The following TBC1D5 variants were observed in gnomAD, a reference collection of about 807,000 sequenced individuals.
TBC1D5 encodes TBC1 domain family member 5.
A neutral mutation model predicts 100.3 loss-of-function variants in TBC1D5; 75 were observed. The ratio of observed to expected loss-of-function variants is 0.75; its 90% CI spans 0.62 to 0.91. The LOEUF (loss-of-function observed/expected upper bound fraction) is 0.91, where lower values mean the gene tolerates loss of function less well. TBC1D5 is among the 40% of genes least tolerant of loss of function. The pLI is 0.00. For synonymous variants in TBC1D5, 323 were observed against 325.6 expected (o/e 0.99, Z 0.09); for missense variants, 910 against 942.4 (o/e 0.97, Z 0.45).
intron 2 of TBC1D5, among the ~76,000 whole-genome samples, chr3:17,583,395 A>T (rs1031441605): frequency 6.6e-6 from 1 of 152,168 alleles, no homozygotes; most frequent in Admixed American, 6.6e-5. Context: ...AATCAAAAAA[A>T]AAAATGGAAA....
chr3:17,706,200 A>T (rs2074138330), intron 1 of TBC1D5: 3 of 1,552,602 alleles, frequency 1.9e-6, no homozygotes, highest in South Asian at 1.2e-5. Context: ...CTTCTCCGGC[A>T]TCGCGGCGAG....
At chr3:17,302,101 G>A (rs999690654) in intron 14 of TBC1D5, among the ~76,000 whole-genome samples, 2 of 152,164 alleles carry the variant, frequency 1.3e-5, no homozygotes, top group Non-Finnish European at 2.9e-5. Context: ...GAAACTTGTA[G>A]GGGAGAATCC....
chr3:17,383,051 CTATGTA>C (rs1363660314), intron 9 of TBC1D5, among the ~76,000 whole-genome samples: 1 of 151,796 alleles, frequency 6.6e-6, no homozygotes, highest in Admixed American at 6.6e-5. Flanking sequence ...CTTGGGTATT[CTATGTA>C]TATACAATAA....
At chr3:17,499,384 T>A (rs936381157) in intron 3 of TBC1D5, among the ~76,000 whole-genome samples, 3 of 150,460 alleles carry the variant, frequency 2.0e-5, no homozygotes, top group Admixed American at 6.6e-5. Flanking sequence ...TCCTAAGCTA[T>A]GCGGGCTGAA....
chr3:17,596,087 T>C lies in TBC1D5; in HGVS notation c.-36+27762A>G, dbSNP rs533047131. ...CATGGTATAGAGAATGGCAGGTCAT[T>C]AGGAACAGCTTACTTCCATCCTTTC... is the stretch of plus-strand genomic sequence containing the variant. On this transcript the variant is annotated intron_variant, in intron 2 of 21. Coordinates refer to ENST00000253692, the Ensembl canonical transcript of TBC1D5. Among the ~76,000 whole-genome samples, 4 of 152,206 alleles carry C rather than the reference T, an allele frequency of 2.6e-5. No individual in the cohort carries two copies. The East Asian group carries it at 7.7e-4, about 29-fold the overall frequency.
At chr3:17,381,580 T>C (rs1026384017) in intron 9 of TBC1D5, among the ~76,000 whole-genome samples, 2 of 152,102 alleles carry the variant, frequency 1.3e-5, no homozygotes, top group African/African-American at 2.4e-5. Flanking sequence ...TCATGTGAAG[T>C]GTGTTAACAA....
At chr3:17,698,765 T>G (rs938518060) in intron 1 of TBC1D5, among the ~76,000 whole-genome samples, 3 of 149,602 alleles carry the variant, frequency 2.0e-5, no homozygotes, top group Non-Finnish European at 3.0e-5. Flanking sequence ...AAAGAAGACA[T>G]TTATGCAGCC....
Position 17,354,047 on chromosome 3 carries a change from T to TA in TBC1D5, c.995+18027dup, listed in dbSNP as rs533471564. Among the ~76,000 whole-genome samples the TA allele has an allele frequency of 3.4e-3, 523 of 152,054 alleles. 4 individuals are homozygous for TA. The highest frequency in any genetic ancestry group is 0.011 in the African/African-American group (477 of 41,512). On this transcript the variant is annotated intron_variant, in intron 13 of 21. Coordinates refer to ENST00000253692, the Ensembl canonical transcript of TBC1D5. ...ATTGAACATTAACAAAATATGTACA[T>TA]AAAAAAAGACACGGTATGTAGTGGT...
At chr3:17,675,187 C>A (rs189589765) in intron 1 of TBC1D5, among the ~76,000 whole-genome samples, 1 of 151,850 alleles carries the variant, frequency 6.6e-6, no homozygotes, top group East Asian at 1.9e-4. Context: ...AATGAACAGT[C>A]TGAGTTACAG....
intron 1 of TBC1D5, among the ~76,000 whole-genome samples, chr3:17,738,961 A>C (rs990895631): frequency 9.2e-5 from 14 of 152,218 alleles, no homozygotes; most frequent in African/African-American, 2.7e-4. Context: ...GGTTTTTGAG[A>C]AAGCATTTAC....
intron 1 of TBC1D5, among the ~76,000 whole-genome samples, chr3:17,684,522 A>T (rs2069970088): frequency 6.6e-6 from 1 of 152,020 alleles, no homozygotes; most frequent in South Asian, 2.1e-4. Context: ...TGCATATGGC[A>T]CTCACCCGAA....
At chr3:17,246,182 T>A (rs557950269) in intron 16 of TBC1D5, among the ~76,000 whole-genome samples, 4 of 152,188 alleles carry the variant, frequency 2.6e-5, no homozygotes, top group Admixed American at 2.0e-4. Context: ...CATTTTAAAA[T>A]GCAGGCATAG....
chr3:17,470,424 G>A (rs984536700), intron 3 of TBC1D5, among the ~76,000 whole-genome samples: 2 of 151,964 alleles, frequency 1.3e-5, no homozygotes, highest in African/African-American at 4.8e-5. Flanking sequence ...AATTAGTGGT[G>A]GTATCAGGAG....
intron 2 of TBC1D5, among the ~76,000 whole-genome samples, chr3:17,609,990 T>C (rs1024027297): frequency 6.6e-6 from 1 of 152,242 alleles, no homozygotes; most frequent in Admixed American, 6.5e-5. Flanking sequence ...TGGGGAAATC[T>C]TGTGAGTCTT....
chr3:17,412,799 T>G (rs946578232), intron 4 of TBC1D5, among the ~76,000 whole-genome samples: 1 of 152,118 alleles, frequency 6.6e-6, no homozygotes, highest in East Asian at 1.9e-4. Context: ...AATAAAGAAA[T>G]GAGAAATAGG....
At chr3:17,400,168 A>C (rs941479009) in intron 8 of TBC1D5, among the ~76,000 whole-genome samples, 7 of 152,086 alleles carry the variant, frequency 4.6e-5, no homozygotes, top group Admixed American at 2.0e-4. Context: ...TCTGTCCCCC[A>C]CAGTGCAAAG....
At chr3:17,549,360 T>C (rs916368363) in intron 2 of TBC1D5, among the ~76,000 whole-genome samples, 3 of 152,182 alleles carry the variant, frequency 2.0e-5, no homozygotes, top group African/African-American at 7.2e-5. Context: ...TATATCTTAT[T>C]TGTACTATGG....
chr3:17,219,499 C>T (rs1269887889), intron 17 of TBC1D5, among the ~76,000 whole-genome samples: 2 of 150,812 alleles, frequency 1.3e-5, no homozygotes, highest in African/African-American at 4.9e-5. Context: ...TTTCCTCATA[C>T]CTTATACTTT....
rs991574309 is a variant in TBC1D5 at position 17,580,402 on chromosome 3, T to C, written c.-36+43447A>G. On this transcript the variant is annotated intron_variant, in intron 2 of 21. Transcript: ENST00000253692. ...GAAGCCTAAAGAAGTGGGAAGCAAG[T>C]AATCATGATGCTTCTTGTATGTAAT... 7.9e-5 allele frequency among the ~76,000 whole-genome samples: 12 copies of C among 152,256 alleles called. No individual in the cohort carries two copies. The South Asian group carries it at 2.3e-3, about 29-fold the overall frequency.
Sources: gnomAD v4.1 joint callset for allele counts (sites outside exome capture counted in the v4.1 genomes callset) on GRCh38, gnomAD v4.1.1 for gene constraint, MANE v1.5 for transcripts, NCBI Gene and HGNC (gene_info 2026-07-23, HGNC 2026-07-21) for gene names.